GNPDA1: variants seen among roughly 807,000 people sequenced by gnomAD.
The protein encoded by GNPDA1 is glucosamine-6-phosphate deaminase 1.
GNPDA1 carries 24 observed loss-of-function variants against 28.5 expected under a neutral mutation model. The ratio of observed to expected loss-of-function variants is 0.84; its 90% CI spans 0.61 to 1.19. The LOEUF (loss-of-function observed/expected upper bound fraction) is 1.19, where lower values mean the gene tolerates loss of function less well. Ranked by LOEUF, GNPDA1 falls within the 50% of genes most tolerant of loss-of-function variation. GNPDA1 has a pLI of 0.00. For synonymous variants in GNPDA1, 147 were observed against 139.3 expected (o/e 1.06, Z -0.39); for missense variants, 264 against 367.3 (o/e 0.72, Z 2.30).
At chr5:142,005,783 G>T (rs1755787856) in intron 4 of GNPDA1, among the ~76,000 whole-genome samples, 1 of 152,098 alleles carries the variant, frequency 6.6e-6, no homozygotes, top group Non-Finnish European at 1.5e-5. Flanking sequence ...CTTCTCTGGG[G>T]TTCAACTGGC....
chr5:142,003,234 T>C lies in GNPDA1; in HGVS notation c.623A>G (p.Lys208Arg). The C allele has an allele frequency of 1.2e-6, 2 of 1,612,750 alleles. No individual in the cohort carries two copies. The highest frequency in any genetic ancestry group is 1.7e-6 in the Non-Finnish European group (2 of 1,179,336). ...EVMILITGAHKAFALYKAIEE... is the reference protein window; with the variant it reads ...EVMILITGAHRAFALYKAIEE... The stretch of plus-strand genomic sequence containing the variant: ...GATGGCCTTGTACAGAGCAAATGCC[T>C]TGTGAGCACCTGTGATAAGGATCAT... Residue 208 changes from lysine (K) to arginine (R), a missense_variant, in exon 6 of 7, where the codon AAG becomes AGG. Lys to Arg is a conservative substitution (Grantham distance 26). Coordinates refer to ENST00000311337, the MANE Select transcript of GNPDA1 (RefSeq NM_005471.5). This position sits in a 1 kb window ranked among gnomAD's most constrained non-coding sequence, Gnocchi z 4.0.
At chr5:142,011,876 C>T (rs2232194) in intron 2 of GNPDA1, 36 bp downstream of exon 2, 36,546 of 1,612,724 alleles carry the variant, frequency 0.023, 536 homozygotes, top group Non-Finnish European at 0.028. Context: ...CTCTCTCCAC[C>T]CTTATCCACG....
At chr5:142,012,246 C>CT (rs1755978785) in intron 1 of GNPDA1, 2 of 446,866 alleles carry the variant, frequency 4.5e-6, no homozygotes, top group Non-Finnish European at 8.1e-6. Flanking sequence ...GGAGGCGCCA[C>CT]TGGGGGCAGA....
At position 142,005,134 on chromosome 5, in the gene GNPDA1, G is replaced by A. The variant is rs201899569; in HGVS notation, c.410-18C>T. 1.9e-6 allele frequency: 3 copies of A among 1,562,382 alleles called. No homozygotes were observed. The highest frequency in any genetic ancestry group is 1.7e-5 in the Admixed American group (1 of 58,630). On this transcript the variant is annotated intron_variant, in intron 4 of 6. Coordinates refer to ENST00000311337, the MANE Select transcript of GNPDA1 (RefSeq NM_005471.5). The stretch of plus-strand genomic sequence containing the variant: ...GCCGATGCCTATAGGGAGAGAGCCC[G>A]TGCAGCCCTGTCAGTCCCAGGGATC...
At chr5:142,005,235 T>A in intron 4 of GNPDA1, 119 bp from the exon 5 acceptor site, 1 of 756,878 alleles carries the variant, frequency 1.3e-6, no homozygotes, top group Non-Finnish European at 2.1e-6. Flanking sequence ...TGTGTCACCT[T>A]TCTCATTTGC....
chr5:142,012,181 T>C (rs1363435281), intron 1 of GNPDA1, 140 bp from the exon 2 acceptor site: 2 of 693,670 alleles, frequency 2.9e-6, no homozygotes, highest in Admixed American at 3.1e-5. Flanking sequence ...GGCCTTTCTA[T>C]TCACAGAGGA....
chr5:142,006,821 CTTTT>C (rs76438387), intron 3 of GNPDA1, among the ~76,000 whole-genome samples: 2 of 144,348 alleles, frequency 1.4e-5, no homozygotes, highest in African/African-American at 5.1e-5. Flanking sequence ...CCCAGATCAA[CTTTT>C]TTTTTTTTGG....
chr5:142,012,249 G>T, intron 1 of GNPDA1: 1 of 439,594 alleles, frequency 2.3e-6, no homozygotes, highest in Non-Finnish European at 4.1e-6. Flanking sequence ...GGCGCCACTG[G>T]GGGCAGATCT....
In GNPDA1 at chr5:142,002,017, T is replaced by C; in HGVS notation, c.*12A>G. 2 of 1,399,136 alleles carry C rather than the reference T, an allele frequency of 1.4e-6. No individual in the cohort carries two copies. Among genetic ancestry groups the C allele is most frequent in the Non-Finnish European group, 2.0e-6 (2 of 985,852 alleles). The allele number at this position is 1,399,136 out of a possible 1,614,324, so 86.7% of individuals were successfully genotyped here. On this transcript the variant is annotated 3_prime_UTR_variant, in exon 7 of 7. Coordinates refer to ENST00000311337, the MANE Select transcript of GNPDA1 (RefSeq NM_005471.5). ...TTCCCTATGGGTACTTGACACTAGGTCCCAGCACAGGCTAATCGCTGTATG... is the reference window on the plus strand; with the variant it reads ...TTCCCTATGGGTACTTGACACTAGGCCCCAGCACAGGCTAATCGCTGTATG...
In GNPDA1 at chr5:142,007,792, G is replaced by A; in HGVS notation, c.226+7C>T. ...TCAGGAAAGAACCTTGAAAGAGAAAGACTCACCCACGTACTCATCCATGTT... is the reference window on the plus strand; with the variant it reads ...TCAGGAAAGAACCTTGAAAGAGAAAAACTCACCCACGTACTCATCCATGTT... On this transcript the variant is annotated splice_region_variant and intron_variant, in intron 3 of 6. Coordinates refer to ENST00000311337, the MANE Select transcript of GNPDA1 (RefSeq NM_005471.5). 1 of 1,512,064 alleles carries A rather than the reference G, an allele frequency of 6.6e-7. No individual in the cohort carries two copies. The highest frequency in any genetic ancestry group is 9.2e-7 in the Non-Finnish European group (1 of 1,087,352). 93.7% of individuals were successfully genotyped at this position (1,512,064 alleles called of 1,614,324 possible). A position where few individuals can be genotyped will look rare whatever the true frequency, so the allele number is the denominator to read the frequency against.
chr5:142,009,935 T>A (rs1755901803), intron 2 of GNPDA1, among the ~76,000 whole-genome samples: 2 of 152,104 alleles, frequency 1.3e-5, no homozygotes, highest in African/African-American at 2.4e-5. Context: ...TCTGAAGAGC[T>A]TGGATCTGAC....
rs775355999 is a variant in GNPDA1, at chr5:142,006,320, G to A, written c.233C>T (p.Pro78Leu). The change falls in exon 4 of 7, where the codon CCT becomes CTT. Residue 78 changes from proline (P) to leucine (L), a missense_variant. Transcript: ENST00000311337. ...TFNMDEYVGL[P>L]RDHPESYHSF... ...GTGGTAACTCTCCGGGTGGTCTCGA[G>A]GAAGGCCTGTGGGGCCGTGAGACAC... 1.2e-6 allele frequency: 2 copies of A among 1,612,552 alleles called. No individual in the cohort carries two copies. Among genetic ancestry groups the A allele is most frequent in the Non-Finnish European group, 1.7e-6 (2 of 1,179,240 alleles).
rs183936690 is a variant in GNPDA1 at position 142,008,869 on chromosome 5, T to A, written c.125-969A>T. 2.0e-5 allele frequency among the ~76,000 whole-genome samples: 3 copies of A among 152,334 alleles called. No individual in the cohort carries two copies. In the East Asian group the frequency reaches 5.8e-4, roughly 29 times the overall value. Reference sequence around the variant, plus strand: ...AAAACCAACCTATAAAAGATAAATGTGGACAATTGAGAAAAAATTGTGAAC... The same window carrying A: ...AAAACCAACCTATAAAAGATAAATGAGGACAATTGAGAAAAAATTGTGAAC... On this transcript the variant is annotated intron_variant, in intron 2 of 6. Coordinates refer to ENST00000311337, the MANE Select transcript of GNPDA1 (RefSeq NM_005471.5).
intron 6 of GNPDA1, 47 bp from the exon 7 acceptor site, chr5:142,002,176 G>C: frequency 1.0e-6 from 1 of 954,562 alleles, no homozygotes; most frequent in Non-Finnish European, 1.7e-6. Context: ...GCAGTGGCAA[G>C]AGTTCCTTGA....
At chr5:142,007,050 T>C (rs1257702939) in intron 3 of GNPDA1, among the ~76,000 whole-genome samples, 1 of 152,056 alleles carries the variant, frequency 6.6e-6, no homozygotes, top group African/African-American at 2.4e-5. Flanking sequence ...AAACAGACAG[T>C]AAAATGGTGG....
intron 5 of GNPDA1, among the ~76,000 whole-genome samples, chr5:142,004,075 AG>A: frequency 6.6e-6 from 1 of 152,314 alleles, no homozygotes; most frequent in South Asian, 2.1e-4. Context: ...AGAACTCTTT[AG>A]AAAAGATAAT....
intron 2 of GNPDA1, among the ~76,000 whole-genome samples, chr5:142,010,511 CTT>C (rs749705822): frequency 4.3e-5 from 2 of 46,822 alleles, no homozygotes; most frequent in Non-Finnish European, 5.3e-5. Flanking sequence ...TCTTTTCTTT[CTT>C]TTTTTTTTTT....
intron 3 of GNPDA1, 84 bp downstream of exon 3, chr5:142,007,715 G>T: frequency 1.3e-6 from 1 of 788,570 alleles, no homozygotes; most frequent in Non-Finnish European, 2.2e-6. Context: ...CTGGCTCCCC[G>T]ATTCCTCTCC....
intron 3 of GNPDA1, among the ~76,000 whole-genome samples, chr5:142,007,020 T>C (rs1191824024): frequency 1.3e-5 from 2 of 152,170 alleles, no homozygotes; most frequent in Non-Finnish European, 2.9e-5. Context: ...AGTTTGATTC[T>C]AGAGTAGTCA....
Sources: gnomAD v4.1 joint callset for allele counts (sites outside exome capture counted in the v4.1 genomes callset) on GRCh38, gnomAD v4.1.1 for gene constraint, Gnocchi (gnomAD v3.1) non-coding constraint, MANE v1.5 for transcripts, NCBI Gene and HGNC (gene_info 2026-07-23, HGNC 2026-07-21) for gene names.